KCNN3: variants seen among roughly 807,000 people sequenced by gnomAD.
KCNN3 encodes the protein potassium calcium-activated channel subfamily N member 3, also known as small conductance calcium-activated potassium channel protein 3.
Under a neutral mutation model 62.9 loss-of-function variants are expected in KCNN3, and 16 were observed. The observed-to-expected ratio is 0.25, with a 90% confidence interval of 0.17 to 0.39. The LOEUF is 0.39. Among genes scored for constraint, KCNN3 ranks in the 10% least tolerant of loss-of-function variants. The pLI is 1.00. For synonymous variants in KCNN3, 370 were observed against 389.2 expected, an observed-to-expected ratio of 0.95 and a Z score of 0.58; for missense variants, 599 against 949.4, an observed-to-expected ratio of 0.63 and a Z score of 4.85.
chr1:154,818,308 G>A (rs1490858387), intron 2 of KCNN3, among the ~76,000 whole-genome samples: 1 of 152,160 alleles, frequency 6.6e-6, no homozygotes, highest in Non-Finnish European at 1.5e-5. Flanking sequence ...CAGGCCAGGG[G>A]GCAAGTTCCA....
intron 2 of KCNN3, among the ~76,000 whole-genome samples, chr1:154,777,442 A>G (rs1236560959): frequency 6.6e-6 from 1 of 152,204 alleles, no homozygotes; most frequent in East Asian, 1.9e-4. Flanking sequence ...ACCACCCAGA[A>G]TGGAAATTCC....
chr1:154,789,633 A>T (rs918268949), intron 2 of KCNN3, among the ~76,000 whole-genome samples: 6 of 152,118 alleles, frequency 3.9e-5, no homozygotes, highest in African/African-American at 1.4e-4. Flanking sequence ...CCAAGAAGTG[A>T]ATGACTTGCT....
At chr1:154,812,023 T>C (rs1486332639) in intron 2 of KCNN3, among the ~76,000 whole-genome samples, 2 of 152,216 alleles carry the variant, frequency 1.3e-5, no homozygotes, top group East Asian at 1.9e-4. Context: ...GAGTGTGCAC[T>C]GGCCCCCCTG....
intron 3 of KCNN3, 41 bp downstream of exon 3, chr1:154,771,934 C>G (rs768823431): frequency 1.1e-5 from 18 of 1,601,096 alleles, no homozygotes; most frequent in Non-Finnish European, 1.5e-5. Flanking sequence ...CTTCCCTGTC[C>G]CAGCACAGGC....
intron 5 of KCNN3, among the ~76,000 whole-genome samples, chr1:154,724,711 T>C (rs1303417747): frequency 1.3e-5 from 2 of 152,218 alleles, no homozygotes; most frequent in Non-Finnish European, 2.9e-5. Context: ...TACCCATTCC[T>C]GCATATTTTC....
chr1:154,796,242 A>G (rs563403858), intron 2 of KCNN3, among the ~76,000 whole-genome samples: 4 of 152,364 alleles, frequency 2.6e-5, no homozygotes, highest in African/African-American at 9.6e-5. Flanking sequence ...TCTTATTGCC[A>G]GGTCCACATT....
chr1:154,759,713 T>G (rs1647912448), intron 3 of KCNN3, among the ~76,000 whole-genome samples: 1 of 152,204 alleles, frequency 6.6e-6, no homozygotes, highest in African/African-American at 2.4e-5. Flanking sequence ...GGCATTTAAC[T>G]GGGTCTCCCT....
At chr1:154,826,395 G>A (rs1651133141) in intron 1 of KCNN3, among the ~76,000 whole-genome samples, 1 of 152,180 alleles carries the variant, frequency 6.6e-6, no homozygotes, top group Admixed American at 6.5e-5. Flanking sequence ...ATGCAAGGAT[G>A]GCATTGTCAA....
intron 3 of KCNN3, among the ~76,000 whole-genome samples, chr1:154,757,354 G>A (rs1647772366): frequency 6.6e-6 from 1 of 152,188 alleles, no homozygotes. Flanking sequence ...TGGTTCCCAC[G>A]TGGCTGAACC....
chr1:154,850,545 C>T (rs6426998), intron 1 of KCNN3, among the ~76,000 whole-genome samples: 71,036 of 152,014 alleles, frequency 0.47, 18,345 homozygotes, highest in East Asian at 0.96. Context: ...CTGTGTGGTC[C>T]GTGAGAGCCC....
chr1:154,714,022 A>G (rs374603016), intron 6 of KCNN3, among the ~76,000 whole-genome samples: 98 of 4,676 alleles, frequency 0.021, no homozygotes, highest in African/African-American at 0.089. Flanking sequence ...TGTGGTGTGT[A>G]TGGTGTGTGT....
In KCNN3 at chr1:154,728,767, G is replaced by C. The variant is rs192259028; in HGVS notation, c.1591-2741C>G. Among the ~76,000 whole-genome samples, 414 of 152,232 alleles carry C rather than the reference G, an allele frequency of 2.7e-3. 2 individuals carry two copies. The highest frequency in any genetic ancestry group is 9.5e-3 in the African/African-American group (396 of 41,528). Reference sequence around the variant, plus strand: ...TGCATCCTAAACAGCAAGGGTCAAGGGGGGAAAGAGAGAAGGAGGAGGCTG... The same window carrying C: ...TGCATCCTAAACAGCAAGGGTCAAGCGGGGAAAGAGAGAAGGAGGAGGCTG... On this transcript the variant is annotated intron_variant, in intron 4 of 7. Transcript: ENST00000271915.
At chr1:154,805,089 A>AG (rs1420650748) in intron 2 of KCNN3, among the ~76,000 whole-genome samples, 6 of 152,182 alleles carry the variant, frequency 3.9e-5, no homozygotes, top group Non-Finnish European at 8.8e-5. Context: ...TTCCCATGGG[A>AG]GGGTCCTCTC....
At chr1:154,805,308 T>C (rs927197000) in intron 2 of KCNN3, among the ~76,000 whole-genome samples, 1 of 152,218 alleles carries the variant, frequency 6.6e-6, no homozygotes, top group Non-Finnish European at 1.5e-5. Flanking sequence ...CACATTCTGA[T>C]GCACTTTCAA....
chr1:154,709,453 T>C (rs1171093875), intron 7 of KCNN3, among the ~76,000 whole-genome samples: 18 of 152,030 alleles, frequency 1.2e-4, no homozygotes, highest in Admixed American at 1.1e-3. Context: ...TCTAGGAAGA[T>C]ATGGACATGA....
intron 3 of KCNN3, among the ~76,000 whole-genome samples, chr1:154,747,648 C>T (rs919509723): frequency 6.6e-6 from 1 of 152,176 alleles, no homozygotes; most frequent in African/African-American, 2.4e-5. Flanking sequence ...GGCACACCCA[C>T]AGCAGAAGTC....
intron 2 of KCNN3, among the ~76,000 whole-genome samples, chr1:154,785,083 T>C (rs891964941): frequency 5.3e-5 from 8 of 152,236 alleles, no homozygotes; most frequent in Admixed American, 4.6e-4. Flanking sequence ...AAGGTTTCTG[T>C]GCATCTGCTA....
chr1:154,851,706 A>G (rs1014102396), intron 1 of KCNN3, among the ~76,000 whole-genome samples: 1 of 152,066 alleles, frequency 6.6e-6, no homozygotes, highest in African/African-American at 2.4e-5. Context: ...ACTCAATGCT[A>G]CCACCCAGGT....
Position 154,869,970 on chromosome 1 carries a change from G to A in KCNN3, c.-6C>T. 2 of 1,610,150 alleles carry A rather than the reference G, an allele frequency of 1.2e-6. No individual in the cohort carries two copies. The highest frequency in any genetic ancestry group is 1.7e-6 in the Non-Finnish European group (2 of 1,178,276). On this transcript the variant is annotated 5_prime_UTR_variant, in exon 1 of 8. Coordinates refer to ENST00000271915, the MANE Select transcript of KCNN3 (RefSeq NM_002249.6). This position sits in a 1 kb window ranked among gnomAD's most constrained non-coding sequence, Gnocchi z 6.1. ...AAGTGCCCAGAAGTGTCCATCTTGG[G>A]GCCTGGCTGTATTCCCTGCAGCACA...
Sources: gnomAD v4.1 joint callset for allele counts (sites outside exome capture counted in the v4.1 genomes callset) on GRCh38, gnomAD v4.1.1 for gene constraint, Gnocchi (gnomAD v3.1) non-coding constraint, MANE v1.5 for transcripts, NCBI Gene and HGNC (gene_info 2026-07-23, HGNC 2026-07-21) for gene names.